Variants in FBLN7 observed in about 807,000 individuals in gnomAD.
The protein encoded by FBLN7 is fibulin-7.
In FBLN7, 31 loss-of-function variants were observed where a neutral mutation model predicts 44.0. The ratio of observed to expected loss-of-function variants is 0.70; its 90% CI spans 0.53 to 0.95. The LOEUF is 0.95. FBLN7 is among the 40% of genes least tolerant of loss of function. The probability of loss-of-function intolerance (pLI) is 0.00; values close to 1 mark genes in which losing one functional copy is unlikely to be tolerated. For missense variants in FBLN7, 573 were observed against 618.5 expected (o/e 0.93, Z 0.78); for synonymous variants, 262 against 253.4 (o/e 1.03, Z -0.32).
intron 1 of FBLN7, among the ~76,000 whole-genome samples, chr2:112,143,732 T>A (rs148721086): frequency 1.9e-4 from 29 of 152,270 alleles, no homozygotes; most frequent in African/African-American, 7.0e-4. Flanking sequence ...GTCTTCTCCA[T>A]CATGTCATAC....
At chr2:112,159,605 G>T in intron 1 of FBLN7, 71 bp from the exon 2 acceptor site, 1 of 1,413,234 alleles carries the variant, frequency 7.1e-7, no homozygotes, top group South Asian at 1.6e-5. Flanking sequence ...CGGCGATTTC[G>T]GAAGCTCAGA....
At chr2:112,190,274 C>G (rs1040926849), downstream of FBLN7, 1 of 152,154 alleles carries the variant, frequency 6.6e-6, no homozygotes, top group African/African-American at 2.4e-5. Flanking sequence ...CTGATGTTAG[C>G]CCCCGCAGAT....
At chr2:112,184,637 G>T (rs1354249191) in intron 6 of FBLN7, among the ~76,000 whole-genome samples, 1 of 90,470 alleles carries the variant, frequency 1.1e-5, no homozygotes, top group African/African-American at 4.6e-5. Context: ...AAAAGTGTGT[G>T]TATATATAGT....
At position 112,185,323 on chromosome 2, in the gene FBLN7, G is replaced by T. The variant is rs546176669; in HGVS notation, c.931G>T (p.Val311Leu). 1 of 1,613,746 alleles carries T rather than the reference G, an allele frequency of 6.2e-7. No individual in the cohort carries two copies. Residue 311 changes from valine to leucine, a missense_variant, in exon 7 of 8, where the codon GTG becomes TTG. Coordinates refer to ENST00000331203, the MANE Select transcript of FBLN7 (RefSeq NM_153214.3). ...CGAGGGCAGCGGCAATGTGAGCTAC[G>T]TGAAGACGTCTCCATTGTGAGTATC... ...CPEGSGNVSY[V>L]KTSPFQCERN...
chr2:112,160,827 CGCAT>C (rs1558880638), intron 2 of FBLN7, among the ~76,000 whole-genome samples: 63 of 141,564 alleles, frequency 4.5e-4, no homozygotes, highest in African/African-American at 1.7e-3. Context: ...CACACAAGCA[CGCAT>C]ACACGCACGC....
At chr2:112,150,191 GCCCTTTC>G (rs1681091790) in intron 1 of FBLN7, among the ~76,000 whole-genome samples, 1 of 152,210 alleles carries the variant, frequency 6.6e-6, no homozygotes, top group African/African-American at 2.4e-5. Flanking sequence ...CTCTGGAGCA[GCCCTTTC>G]CCATGCTCAC....
intron 3 of FBLN7, among the ~76,000 whole-genome samples, chr2:112,172,694 C>A (rs371680182): frequency 7.4e-6 from 1 of 134,948 alleles, no homozygotes; most frequent in African/African-American, 2.9e-5. Flanking sequence ...AGAGTAGTGG[C>A]GCGATCTTGG....
chr2:112,195,987 G>T, the FBLN7 span, among the ~76,000 whole-genome samples: 1 of 152,182 alleles, frequency 6.6e-6, no homozygotes, highest in Non-Finnish European at 1.5e-5. Flanking sequence ...GCTCAGAAAT[G>T]GTGCCAGTCT....
At chr2:112,183,391 C>G (rs1683101086) in intron 6 of FBLN7, among the ~76,000 whole-genome samples, 1 of 152,176 alleles carries the variant, frequency 6.6e-6, no homozygotes, top group Non-Finnish European at 1.5e-5. Flanking sequence ...CGCTACAGCA[C>G]CAGCCTTGTC....
intron 1 of FBLN7, among the ~76,000 whole-genome samples, chr2:112,155,419 C>T (rs1490815076): frequency 5.9e-5 from 9 of 152,212 alleles, no homozygotes; most frequent in African/African-American, 1.4e-4. Flanking sequence ...CTCTGCTTCT[C>T]GGGCTCCCTG....
chr2:112,190,589 AT>A (rs1192612070), downstream of FBLN7: 1 of 152,202 alleles, frequency 6.6e-6, no homozygotes, highest in African/African-American at 2.4e-5. Context: ...CATGTGTGTT[AT>A]CATCTGTATT....
At chr2:112,198,635 AAAAAAAAGAAAG>A in the FBLN7 span, among the ~76,000 whole-genome samples, 1 of 88,702 alleles carries the variant, frequency 1.1e-5, no homozygotes, top group Admixed American at 1.1e-4. Flanking sequence ...GATTGTCTCA[AAAAAAAAGAAAG>A]AAAGAAAGAA....
At chr2:112,241,592 ATATGT>A in the FBLN7 span, among the ~76,000 whole-genome samples, 2 of 152,370 alleles carry the variant, frequency 1.3e-5, no homozygotes, top group East Asian at 3.9e-4. Context: ...GTATGTTCAA[ATATGT>A]TATTCCGTTT....
At chr2:112,142,342 T>C (rs974704232) in intron 1 of FBLN7, among the ~76,000 whole-genome samples, 2 of 152,226 alleles carry the variant, frequency 1.3e-5, no homozygotes, top group Non-Finnish European at 2.9e-5. Flanking sequence ...TCTGGCGTAG[T>C]ACCGATCATC....
chr2:112,204,604 T>C, the FBLN7 span, among the ~76,000 whole-genome samples: 1 of 152,098 alleles, frequency 6.6e-6, no homozygotes, highest in East Asian at 1.9e-4. Context: ...GAGTAACAGG[T>C]CACTTCTCAT....
intron 3 of FBLN7, among the ~76,000 whole-genome samples, chr2:112,165,921 T>C (rs1189205001): frequency 6.6e-6 from 1 of 152,276 alleles, no homozygotes; most frequent in Non-Finnish European, 1.5e-5. Flanking sequence ...CCAGTCATTT[T>C]CAGAGCAAGG....
At chr2:112,214,713 G>C in the FBLN7 span, 1 of 152,212 alleles carries the variant, frequency 6.6e-6, no homozygotes, top group Non-Finnish European at 1.5e-5. Flanking sequence ...TGAGGAACCA[G>C]AGCAAACTGT....
the FBLN7 span, among the ~76,000 whole-genome samples, chr2:112,204,916 T>A: frequency 1.3e-5 from 2 of 152,136 alleles, no homozygotes; most frequent in Admixed American, 6.5e-5. Flanking sequence ...TATAAATATA[T>A]TTTTTGTTTA....
the FBLN7 span, among the ~76,000 whole-genome samples, chr2:112,198,795 C>T: frequency 2.8e-4 from 43 of 152,274 alleles, no homozygotes; most frequent in African/African-American, 9.4e-4. Context: ...ACTTTCCAAC[C>T]TCCAGAACTG....
Sources: allele counts gnomAD v4.1 joint callset (sites outside exome capture counted in the v4.1 genomes callset), GRCh38; gene constraint gnomAD v4.1.1; transcripts MANE v1.5; gene names NCBI Gene and HGNC (gene_info 2026-07-23, HGNC 2026-07-21).